Variants in SLC25A48 observed in about 807,000 individuals in gnomAD.
The protein encoded by SLC25A48 is CTC-321K16.1.
Under a neutral mutation model 32.2 loss-of-function variants are expected in SLC25A48, and 29 were observed. The ratio of observed to expected loss-of-function variants is 0.90; its 90% CI spans 0.67 to 1.23. The LOEUF (loss-of-function observed/expected upper bound fraction) is 1.23, where lower values mean the gene tolerates loss of function less well. SLC25A48 is among the 50% of genes most tolerant of loss of function. The probability of loss-of-function intolerance (pLI) is 0.00; values close to 1 mark genes in which losing one functional copy is unlikely to be tolerated. For synonymous variants in SLC25A48, 164 were observed against 172.3 expected (o/e 0.95, Z 0.38); for missense variants, 399 against 422.7 (o/e 0.94, Z 0.49).
At chr5:135,799,721 C>T (rs756373887) in intron 3 of SLC25A48, among the ~76,000 whole-genome samples, 8 of 151,592 alleles carry the variant, frequency 5.3e-5, no homozygotes, top group Non-Finnish European at 7.4e-5. Flanking sequence ...TCCTAATATC[C>T]GCTGCAGAGA....
intron 6 of SLC25A48, chr5:135,875,107 G>T (rs1182452109): frequency 1.2e-5 from 2 of 169,896 alleles, no homozygotes; most frequent in Non-Finnish European, 2.5e-5. Context: ...AGTATTATCA[G>T]TGTTGATTTT....
At chr5:135,803,083 T>C (rs1757373458) in intron 3 of SLC25A48, 1 of 151,512 alleles carries the variant, frequency 6.6e-6, no homozygotes, top group Non-Finnish European at 1.5e-5. Context: ...ATATAATTAG[T>C]AATATCCTAT....
intron 4 of SLC25A48, among the ~76,000 whole-genome samples, chr5:135,867,564 C>T (rs571205130): frequency 5.9e-5 from 9 of 152,242 alleles, no homozygotes; most frequent in East Asian, 1.9e-4. Context: ...GGGCCACTGG[C>T]GGAGATTTCT....
chr5:135,719,682 G>A (rs1754901395), intron 3 of SLC25A48, among the ~76,000 whole-genome samples: 1 of 152,206 alleles, frequency 6.6e-6, no homozygotes, highest in African/African-American at 2.4e-5. Context: ...GGAGAGTGCA[G>A]TGCTGTTTAT....
At chr5:135,596,379 T>C (rs912621376) in intron 1 of SLC25A48, among the ~76,000 whole-genome samples, 1 of 152,156 alleles carries the variant, frequency 6.6e-6, no homozygotes, top group Non-Finnish European at 1.5e-5. Context: ...CACAGAGACA[T>C]GTGACTTCAC....
In SLC25A48 at chr5:135,855,031, GCAGT is replaced by G. The variant is rs1760192609; in HGVS notation, c.421+2214_421+2217del. Among the ~76,000 whole-genome samples the G allele has an allele frequency of 2.0e-5, 3 of 152,220 alleles. No individual in the cohort carries two copies. The South Asian group carries it at 6.2e-4, about 32-fold the overall frequency. On this transcript the variant is annotated intron_variant, in intron 4 of 7. Coordinates refer to ENST00000681962, the MANE Select transcript of SLC25A48 (RefSeq NM_001349336.2). ...AGGGAATGGCTGGCTTGTCAGTGGA[GCAGT>G]CAGAGCAACCATGATTAAGCTGACT... is the stretch of plus-strand genomic sequence containing the variant.
At chr5:135,864,225 C>T (rs1761022527) in intron 4 of SLC25A48, among the ~76,000 whole-genome samples, 1 of 152,188 alleles carries the variant, frequency 6.6e-6, no homozygotes, top group Non-Finnish European at 1.5e-5. Flanking sequence ...TCCCTGAATC[C>T]TCAGAGTTGC....
At chr5:135,787,477 A>G (rs1046028450) in intron 3 of SLC25A48, among the ~76,000 whole-genome samples, 2 of 152,046 alleles carry the variant, frequency 1.3e-5, no homozygotes, top group African/African-American at 4.8e-5. Flanking sequence ...TCTTAGAGGA[A>G]TGTTACTCCT....
chr5:135,834,143 G>T (rs552202659), upstream of SLC25A48, among the ~76,000 whole-genome samples: 2 of 152,206 alleles, frequency 1.3e-5, no homozygotes, highest in South Asian at 4.1e-4. Context: ...TGAATGTAGG[G>T]TCTGCCTACA....
intron 5 of SLC25A48, among the ~76,000 whole-genome samples, chr5:135,873,204 G>A (rs950330776): frequency 6.6e-6 from 1 of 152,192 alleles, no homozygotes; most frequent in Non-Finnish European, 1.5e-5. Flanking sequence ...AGGGCCAAGG[G>A]CAGTCTAAGG....
In SLC25A48 at chr5:135,774,634, C is replaced by T. The variant is rs1756500710; in HGVS notation, c.-520-37889C>T. Among the ~76,000 whole-genome samples, 4 of 151,602 alleles carry T rather than the reference C, an allele frequency of 2.6e-5. No individual in the cohort carries two copies. The South Asian group carries it at 6.3e-4, about 24-fold the overall frequency. On this transcript the variant is annotated intron_variant, in intron 3 of 10. Transcript: ENST00000646290. ...TATTATCCAGAGGGAAAGATGATGG[C>T]ATTGTGATCAATATCCCAAAAAGTG...
At chr5:135,746,655 C>A (rs1047212730) in intron 3 of SLC25A48, among the ~76,000 whole-genome samples, 6 of 152,226 alleles carry the variant, frequency 3.9e-5, no homozygotes, top group Non-Finnish European at 7.3e-5. Context: ...GGCAGTGCAT[C>A]TCCTAAGAAC....
intron 3 of SLC25A48, among the ~76,000 whole-genome samples, chr5:135,662,879 C>T (rs1429759915): frequency 6.6e-6 from 1 of 152,136 alleles, no homozygotes; most frequent in African/African-American, 2.4e-5. Flanking sequence ...TCCACTAGGG[C>T]GGCTTCAGTG....
intron 3 of SLC25A48, among the ~76,000 whole-genome samples, chr5:135,739,722 A>T (rs1034458986): frequency 1.3e-5 from 2 of 152,118 alleles, no homozygotes; most frequent in Non-Finnish European, 2.9e-5. Context: ...GCAAATAGTG[A>T]TATCACTGTC....
chr5:135,853,470 G>C (rs992950149), intron 4 of SLC25A48, among the ~76,000 whole-genome samples: 5 of 152,206 alleles, frequency 3.3e-5, no homozygotes, highest in Non-Finnish European at 5.9e-5. Flanking sequence ...TAAATCCTTT[G>C]CTGTCATTTT....
chr5:135,709,876 A>T (rs1427315555), intron 3 of SLC25A48, among the ~76,000 whole-genome samples: 1 of 152,154 alleles, frequency 6.6e-6, no homozygotes, highest in East Asian at 1.9e-4. Flanking sequence ...CCTCAACTGC[A>T]CATCTGTTCC....
rs1761557315 is a variant in SLC25A48, at chr5:135,870,592, T to C, written c.422-869T>C. Among the ~76,000 whole-genome samples, 3 of 152,212 alleles carry C rather than the reference T, an allele frequency of 2.0e-5. No individual in the cohort carries two copies. The South Asian group carries it at 6.2e-4, about 32-fold the overall frequency. ...TTTGAGGGGCCAAGAGCCCCAGTGCTGCCCTACAACTGTTTAGGGCACAGC... is the reference window on the plus strand; with the variant it reads ...TTTGAGGGGCCAAGAGCCCCAGTGCCGCCCTACAACTGTTTAGGGCACAGC... On this transcript the variant is annotated intron_variant, in intron 4 of 7. Coordinates refer to ENST00000681962, the MANE Select transcript of SLC25A48 (RefSeq NM_001349336.2).
intron 7 of SLC25A48, chr5:135,882,986 G>A (rs1437633146): frequency 1.1e-6 from 1 of 951,600 alleles, no homozygotes; most frequent in East Asian, 1.2e-4. Flanking sequence ...GTCTCCAAAT[G>A]GGTTGTTTGA....
chr5:135,589,410 G>A (rs946488366), intron 1 of SLC25A48, among the ~76,000 whole-genome samples: 2 of 152,198 alleles, frequency 1.3e-5, no homozygotes, highest in Admixed American at 6.5e-5. Context: ...CCTGATAGGT[G>A]GCTGGGCTGA....
Sources: allele counts gnomAD v4.1 joint callset (sites outside exome capture counted in the v4.1 genomes callset), GRCh38; gene constraint gnomAD v4.1.1; transcripts MANE v1.5; gene names NCBI Gene and HGNC (gene_info 2026-07-23, HGNC 2026-07-21).